HOOK3: variants seen among roughly 807,000 people sequenced by gnomAD.
HOOK3 encodes the protein hook microtubule tethering protein 3, also known as protein Hook homolog 3.
Under a neutral mutation model 116.3 loss-of-function variants are expected in HOOK3, and 24 were observed. That is an observed-to-expected ratio of 0.21 (90% CI 0.15 to 0.29). The LOEUF is 0.29. Among genes scored for constraint, HOOK3 ranks in the 10% least tolerant of loss-of-function variants. The pLI is 1.00. For missense variants in HOOK3, 632 were observed against 830.2 expected (o/e 0.76, Z 2.93); for synonymous variants, 275 against 283.0 (o/e 0.97, Z 0.28).
intron 4 of HOOK3, among the ~76,000 whole-genome samples, chr8:42,933,981 C>A (rs1055811974): frequency 1.3e-4 from 20 of 152,020 alleles, no homozygotes; most frequent in African/African-American, 4.8e-4. Context: ...TTGCGCTTGG[C>A]ACTTAGCACA....
chr8:42,976,639 T>G (rs981448585), intron 13 of HOOK3, among the ~76,000 whole-genome samples: 1 of 152,226 alleles, frequency 6.6e-6, no homozygotes, highest in African/African-American at 2.4e-5. Flanking sequence ...GGCTCATGCC[T>G]GTAATCTCAG....
At chr8:42,970,362 ACT>A (rs1169087470) in intron 11 of HOOK3, among the ~76,000 whole-genome samples, 3 of 152,026 alleles carry the variant, frequency 2.0e-5, no homozygotes, top group Non-Finnish European at 4.4e-5. Flanking sequence ...GGTAGTGCAG[ACT>A]CTCATACTTT....
Position 42,930,144 on chromosome 8 carries a change from TA to T in HOOK3, c.243del (p.Gly82GlufsTer10). ...CAGATAAGCAATTTAAAGAAAATTT[TA>T]AAAGGAATCTTGGATTATAATCATG... ...RLKISNLKKI[L>X]KGILDYNHEI... On this transcript the variant is annotated frameshift_variant, in exon 4 of 22. Transcript: ENST00000307602. LOFTEE classifies it high-confidence loss of function. The T allele has an allele frequency of 6.4e-7, 1 of 1,555,600 alleles. No individual in the cohort carries two copies. Among genetic ancestry groups the T allele is most frequent in the East Asian group, 2.3e-5 (1 of 43,204 alleles).
rs1469264435 is a variant in HOOK3, at chr8:42,961,115, T to C, written c.615+1801T>C. 2.6e-5 allele frequency among the ~76,000 whole-genome samples: 4 copies of C among 152,086 alleles called. No individual in the cohort carries two copies. The East Asian group carries it at 7.7e-4, about 29-fold the overall frequency. Reference sequence around the variant, plus strand: ...CAGGTCTTGCAAAAATTCCCTCACTTGTGAGGACACTACCAAGCCATTCAT... The same window carrying C: ...CAGGTCTTGCAAAAATTCCCTCACTCGTGAGGACACTACCAAGCCATTCAT... On this transcript the variant is annotated intron_variant, in intron 8 of 21. Coordinates refer to ENST00000307602, the MANE Select transcript of HOOK3 (RefSeq NM_032410.4).
Position 42,897,377 on chromosome 8 carries a change from C to T in HOOK3, c.57+189C>T, listed in dbSNP as rs575469119. ...TTGCCGGGCCTGAGGCGTCGCTGTT[C>T]CGGGCGGACCCCGGCCGGGGCTGGG... is the stretch of plus-strand genomic sequence containing the variant. On this transcript the variant is annotated intron_variant, in intron 1 of 21. Transcript: ENST00000307602. 4.3e-4 allele frequency: 166 copies of T among 389,166 alleles called. 1 individual carries two copies. The South Asian group carries it at 9.6e-3, about 23-fold the overall frequency. The allele number at this position is 389,166 out of a possible 1,614,324, so 24.1% of individuals were successfully genotyped here.
intron 1 of HOOK3, among the ~76,000 whole-genome samples, chr8:42,901,641 T>C (rs1377006961): frequency 6.6e-6 from 1 of 152,118 alleles, no homozygotes; most frequent in East Asian, 1.9e-4. Flanking sequence ...ACAGAGAAAA[T>C]AATTGAATAA....
At position 42,982,846 on chromosome 8, in the gene HOOK3, T is replaced by G; in HGVS notation, c.1391+150T>G. On this transcript the variant is annotated intron_variant, in intron 14 of 21. Transcript: ENST00000307602. ...GTTAAATTTTTATGTTTTCAACATG[T>G]TAAAAGCTTTCTTCCACTGGCCTAC... 4.9e-6 allele frequency: 3 copies of G among 609,494 alleles called. No individual in the cohort carries two copies. The South Asian group carries it at 6.3e-5, about 13-fold the overall frequency. 37.8% of individuals were successfully genotyped at this position (609,494 alleles called of 1,614,324 possible).
chr8:43,017,016 A>AT (rs1809730685), intron 21 of HOOK3, among the ~76,000 whole-genome samples: 1 of 141,720 alleles, frequency 7.1e-6, no homozygotes, highest in South Asian at 2.4e-4. Flanking sequence ...TAAAAAAAAA[A>AT]TGAAAAAAGA....
At chr8:42,957,906 T>A (rs914241224) in intron 7 of HOOK3, among the ~76,000 whole-genome samples, 3 of 150,800 alleles carry the variant, frequency 2.0e-5, no homozygotes, top group African/African-American at 7.3e-5. Flanking sequence ...CTCGGCTCAC[T>A]GCAAGCTTCA....
chr8:42,996,573 C>T (rs1391350711), intron 15 of HOOK3, among the ~76,000 whole-genome samples: 1 of 152,070 alleles, frequency 6.6e-6, no homozygotes, highest in Non-Finnish European at 1.5e-5. Context: ...CCCAGTTTCT[C>T]TCCGGCCTTT....
intron 3 of HOOK3, among the ~76,000 whole-genome samples, chr8:42,927,375 G>T (rs1807789087): frequency 6.6e-6 from 1 of 151,468 alleles, no homozygotes; most frequent in African/African-American, 2.4e-5. Context: ...TCCTGCCTCG[G>T]TCTCCCGAGT....
intron 4 of HOOK3, among the ~76,000 whole-genome samples, chr8:42,932,125 C>A (rs547266265): frequency 6.6e-6 from 1 of 152,256 alleles, no homozygotes; most frequent in Non-Finnish European, 1.5e-5. Context: ...CAGGACAGTG[C>A]TATTACACTG....
chr8:42,959,232 T>C lies in HOOK3; in HGVS notation c.533T>C (p.Leu178Pro). Residue 178 changes from leucine to proline, a missense_variant and splice_region_variant, in exon 8 of 22, where the codon CTG becomes CCG. Physicochemically the swap from Leu to Pro is moderately conservative, Grantham distance 98. Around this residue, in one of 3 missense-constraint regions of HOOK3, gnomAD observed 483 missense variants for 648.1 expected, o/e 0.75. Transcript: ENST00000307602. Reference protein sequence around the residue: ...NDAYVDLDRQLKKTTEELNEA... With the variant: ...NDAYVDLDRQPKKTTEELNEA... ...GTTTATCTCTTTGTTTCTAACCAGC[T>C]GAAGAAAACTACAGAGGAACTAAAT... The C allele has an allele frequency of 1.2e-6, 2 of 1,608,210 alleles. No individual in the cohort carries two copies. The highest frequency in any genetic ancestry group is 1.7e-6 in the Non-Finnish European group (2 of 1,175,674).
At chr8:42,914,739 C>A (rs1462305031) in intron 2 of HOOK3, among the ~76,000 whole-genome samples, 1 of 152,206 alleles carries the variant, frequency 6.6e-6, no homozygotes, top group Non-Finnish European at 1.5e-5. Flanking sequence ...CAGTTCTCCC[C>A]TCTTTCTTGC....
intron 2 of HOOK3, among the ~76,000 whole-genome samples, chr8:42,908,662 A>G (rs1807361504): frequency 1.3e-5 from 2 of 152,268 alleles, no homozygotes; most frequent in African/African-American, 4.8e-5. Flanking sequence ...AAATCAATTC[A>G]GAATGGATTA....
Position 42,986,727 on chromosome 8 carries a change from A to C in HOOK3, c.1464A>C (p.Lys488Asn). 6.2e-7 allele frequency: 1 copy of C among 1,614,056 alleles called. No homozygotes were observed. The highest frequency in any genetic ancestry group is 8.5e-7 in the Non-Finnish European group (1 of 1,179,922). ...ACCAAGAAGGTTCGGACAATGAAAA[A>C]ATAGCCTTATTGCAGAGCCTTCTAG... ...KLNQEGSDNE[K>N]IALLQSLLDD... The change falls in exon 15 of 22, where the codon AAA (lysine) becomes AAC (asparagine). Residue 488 changes from lysine to asparagine, a missense_variant. This residue lies in a region of HOOK3 where 483 missense variants were observed against 648.1 expected (regional missense o/e 0.75). Transcript: ENST00000307602.
chr8:42,978,038 C>G (rs983183059), intron 13 of HOOK3, among the ~76,000 whole-genome samples: 1 of 152,130 alleles, frequency 6.6e-6, no homozygotes. Context: ...ACTAAACTGT[C>G]CAAGACTTGG....
chr8:42,996,924 G>GGT (rs1809282289), intron 15 of HOOK3, among the ~76,000 whole-genome samples: 1 of 118,124 alleles, frequency 8.5e-6, no homozygotes, highest in Non-Finnish European at 1.7e-5. Flanking sequence ...TTTTTTTTTG[G>GGT]GAGGCAGGGT....
intron 8 of HOOK3, among the ~76,000 whole-genome samples, chr8:42,962,472 T>C (rs1808551909): frequency 6.6e-6 from 1 of 150,806 alleles, no homozygotes; most frequent in African/African-American, 2.4e-5. Flanking sequence ...AGTGGTGTGA[T>C]CGTGGCTCAC....
Sources: allele counts gnomAD v4.1 joint callset (sites outside exome capture counted in the v4.1 genomes callset), GRCh38; gene constraint gnomAD v4.1.1; regional missense constraint gnomAD v4.1.1; transcripts MANE v1.5; gene names NCBI Gene and HGNC (gene_info 2026-07-23, HGNC 2026-07-21).